MACROD1: variants seen among roughly 807,000 people sequenced by gnomAD.
MACROD1 encodes ADP-ribose glycohydrolase MACROD1.
In MACROD1, 31 loss-of-function variants were observed where a neutral mutation model predicts 41.4. That is an observed-to-expected ratio of 0.75 (90% confidence interval 0.56 to 1.01). MACROD1 has a LOEUF of 1.01. Ranked by LOEUF, MACROD1 falls within the 50% of genes least tolerant of loss-of-function variation. The pLI is 0.00. For missense variants in MACROD1, 473 were observed against 460.0 expected, an observed-to-expected ratio of 1.03 and a Z score of -0.26; for synonymous variants, 252 against 203.4, an observed-to-expected ratio of 1.24 and a Z score of -2.03.
intron 3 of MACROD1, among the ~76,000 whole-genome samples, chr11:64,065,035 T>C (rs1240628823): frequency 1.3e-5 from 2 of 152,028 alleles, no homozygotes. Context: ...GCTAGGGACA[T>C]GAGCAGGGGT....
chr11:64,007,854 C>T (rs897324258), intron 4 of MACROD1, among the ~76,000 whole-genome samples: 8 of 152,196 alleles, frequency 5.3e-5, no homozygotes, highest in Admixed American at 4.6e-4. Flanking sequence ...CTGAGCTCAG[C>T]CCTGCTGGGG....
At chr11:64,061,454 C>T (rs1205629835) in intron 3 of MACROD1, among the ~76,000 whole-genome samples, 2 of 152,198 alleles carry the variant, frequency 1.3e-5, no homozygotes, top group Admixed American at 1.3e-4. Flanking sequence ...CCAACAGCTT[C>T]GTGGGCTTTC....
At chr11:64,018,610 C>T (rs1460192639) in intron 3 of MACROD1, among the ~76,000 whole-genome samples, 2 of 152,240 alleles carry the variant, frequency 1.3e-5, no homozygotes, top group Admixed American at 6.5e-5. Context: ...AACATCTTGG[C>T]CTGTGGCCGG....
Position 63,999,511 on chromosome 11 carries a change from G to A in MACROD1, c.817+19C>T, listed in dbSNP as rs1260465719. 6.2e-7 allele frequency: 1 copy of A among 1,603,320 alleles called. No individual in the cohort carries two copies. Among genetic ancestry groups the A allele is most frequent in the African/African-American group, 1.3e-5 (1 of 74,856 alleles). On this transcript the variant is annotated intron_variant, in intron 7 of 10. Transcript: ENST00000255681. ...GGTCCACCGCCCACTCCTGGTCCTT[G>A]CCTTTCTTCCAGACTCACCAAACAC...
chr11:64,132,455 G>A (rs890646832), intron 3 of MACROD1, among the ~76,000 whole-genome samples: 2 of 151,568 alleles, frequency 1.3e-5, no homozygotes, highest in African/African-American at 4.9e-5. Flanking sequence ...GGAGGGGAAA[G>A]GGATTGAAGT....
At chr11:64,143,201 G>A (rs1945438670) in intron 3 of MACROD1, among the ~76,000 whole-genome samples, 1 of 151,318 alleles carries the variant, frequency 6.6e-6, no homozygotes, top group African/African-American at 2.4e-5. Flanking sequence ...AAGGAAGGAA[G>A]AAAGGAAAGA....
At chr11:64,009,314 C>T (rs1348572428) in intron 4 of MACROD1, among the ~76,000 whole-genome samples, 1 of 152,150 alleles carries the variant, frequency 6.6e-6, no homozygotes, top group African/African-American at 2.4e-5. Flanking sequence ...CTGGCAGACA[C>T]CAGGCCAAAG....
intron 3 of MACROD1, among the ~76,000 whole-genome samples, chr11:64,058,567 G>T (rs1943836124): frequency 6.6e-6 from 1 of 152,282 alleles, no homozygotes; most frequent in East Asian, 1.9e-4. Flanking sequence ...GGACACTGAA[G>T]AGGGGGTGGT....
chr11:64,113,383 T>G (rs935283843), intron 3 of MACROD1, among the ~76,000 whole-genome samples: 2 of 151,896 alleles, frequency 1.3e-5, no homozygotes, highest in African/African-American at 4.8e-5. Context: ...GATGGATGGA[T>G]GGACAGGTGC....
chr11:64,138,744 G>A (rs190273538), intron 3 of MACROD1, among the ~76,000 whole-genome samples: 205 of 152,088 alleles, frequency 1.3e-3, no homozygotes, highest in Admixed American at 2.3e-3. Context: ...ACTTGTTGCC[G>A]CCAGGAGGTG....
At chr11:64,105,135 C>T (rs1286975854) in intron 3 of MACROD1, among the ~76,000 whole-genome samples, 6 of 152,224 alleles carry the variant, frequency 3.9e-5, no homozygotes, top group African/African-American at 2.4e-5. Context: ...AGATGCCCTG[C>T]GGATGGGCTA....
In MACROD1 at chr11:64,151,320, T is replaced by C; in HGVS notation, c.436A>G (p.Lys146Glu). The C allele has an allele frequency of 2.5e-6, 4 of 1,613,926 alleles. No individual in the cohort carries two copies. Among genetic ancestry groups the C allele is most frequent in the Non-Finnish European group, 3.4e-6 (4 of 1,179,998 alleles). ...AVKVEEPRYK[K>E]DKQLNEKISL... ...ATTTTCTCATTGAGCTGCTTGTCCT[T>C]TTTATACCTGGGCTCCTCCACCTTC... The change falls in exon 3 of 11, where the codon AAG becomes GAG. Residue 146 changes from lysine to glutamate, a missense_variant. Transcript: ENST00000255681.
intron 3 of MACROD1, among the ~76,000 whole-genome samples, chr11:64,101,467 G>T: frequency 6.6e-6 from 1 of 152,138 alleles, no homozygotes; most frequent in Non-Finnish European, 1.5e-5. Flanking sequence ...CAGCTGACTG[G>T]AGCCTCTGGG....
chr11:64,152,791 G>A (rs942031849), intron 1 of MACROD1, among the ~76,000 whole-genome samples: 1 of 152,198 alleles, frequency 6.6e-6, no homozygotes, highest in Non-Finnish European at 1.5e-5. Flanking sequence ...CAAGCCGGTT[G>A]GCAGCACTCA....
chr11:64,035,864 T>C (rs1220666255), intron 3 of MACROD1: 4 of 145,224 alleles, frequency 2.8e-5, no homozygotes, highest in Non-Finnish European at 6.1e-5. Context: ...GCACCGCCGC[T>C]GGTCCCCGCC....
At chr11:64,128,339 G>A (rs1945216325) in intron 3 of MACROD1, among the ~76,000 whole-genome samples, 1 of 152,210 alleles carries the variant, frequency 6.6e-6, no homozygotes, top group Non-Finnish European at 1.5e-5. Flanking sequence ...CAGTCAGCCA[G>A]CCAGCCAGCC....
intron 3 of MACROD1, among the ~76,000 whole-genome samples, chr11:64,017,709 C>T (rs766435914): frequency 2.6e-5 from 4 of 152,046 alleles, no homozygotes; most frequent in African/African-American, 4.8e-5. Context: ...TCTCAGGTCT[C>T]GGTCCAGCTC....
chr11:64,097,958 A>G (rs1046015961), intron 3 of MACROD1, among the ~76,000 whole-genome samples: 3 of 152,008 alleles, frequency 2.0e-5, no homozygotes, highest in Non-Finnish European at 2.9e-5. Context: ...CCCACTCAGC[A>G]CCCAGGCCTG....
chr11:64,118,923 C>T (rs377157389), intron 3 of MACROD1: 135 of 163,788 alleles, frequency 8.2e-4, no homozygotes, highest in Non-Finnish European at 1.7e-3. Context: ...ATCATGTAGT[C>T]GATTAAAAAA....
Sources: gnomAD v4.1 joint callset for allele counts (sites outside exome capture counted in the v4.1 genomes callset) on GRCh38, gnomAD v4.1.1 for gene constraint, MANE v1.5 for transcripts, NCBI Gene and HGNC (gene_info 2026-07-23, HGNC 2026-07-21) for gene names.